Variants in EPHX4 observed in about 807,000 individuals in gnomAD.
EPHX4 encodes the protein epoxide hydrolase 4.
In EPHX4, 31 loss-of-function variants were observed where a neutral mutation model predicts 44.9. The ratio of observed to expected loss-of-function variants is 0.69; its 90% confidence interval spans 0.52 to 0.93. The LOEUF is 0.93. Among genes scored for constraint, EPHX4 ranks in the 40% least tolerant of loss-of-function variants. The pLI is 0.00. For missense variants in EPHX4, 373 were observed against 438.1 expected (o/e 0.85, Z 1.33); for synonymous variants, 151 against 159.7 (o/e 0.95, Z 0.41).
At chr1:92,046,608 C>CA (rs1688585538) in intron 4 of EPHX4, among the ~76,000 whole-genome samples, 2 of 152,084 alleles carry the variant, frequency 1.3e-5, no homozygotes, top group Non-Finnish European at 2.9e-5. Flanking sequence ...GGACTACAGA[C>CA]ACCCGCCACC....
chr1:92,044,303 T>C (rs1353105496), intron 3 of EPHX4, among the ~76,000 whole-genome samples: 7 of 152,204 alleles, frequency 4.6e-5, no homozygotes, highest in Non-Finnish European at 8.8e-5. Flanking sequence ...TGAACAATTA[T>C]ATTTCAAATT....
At chr1:92,041,328 A>T (rs921018572) in intron 2 of EPHX4, among the ~76,000 whole-genome samples, 2 of 152,228 alleles carry the variant, frequency 1.3e-5, no homozygotes, top group Non-Finnish European at 2.9e-5. Flanking sequence ...GGTTTATCTT[A>T]AATGGTTGTT....
chr1:92,034,887 G>A (rs939750796), intron 2 of EPHX4, among the ~76,000 whole-genome samples: 4 of 152,016 alleles, frequency 2.6e-5, no homozygotes, highest in African/African-American at 9.7e-5. Context: ...CAAGTGATCT[G>A]CCCCCTTCAG....
At chr1:92,052,363 T>A in intron 5 of EPHX4, 147 bp from the exon 6 acceptor site, 1 of 701,698 alleles carries the variant, frequency 1.4e-6, no homozygotes, top group Non-Finnish European at 2.4e-6. Context: ...AATATATATG[T>A]ATAAACAATG....
chr1:92,046,265 G>A (rs1688579948), intron 4 of EPHX4, among the ~76,000 whole-genome samples: 1 of 152,120 alleles, frequency 6.6e-6, no homozygotes. Context: ...TTAGTGAAAA[G>A]AGTGTCATCG....
intron 1 of EPHX4, among the ~76,000 whole-genome samples, chr1:92,031,906 G>A (rs1198462503): frequency 6.6e-6 from 1 of 152,110 alleles, no homozygotes; most frequent in Non-Finnish European, 1.5e-5. Context: ...CATGACATGA[G>A]CAGGCAGCAA....
In EPHX4 at chr1:92,063,238, C is replaced by G; in HGVS notation, c.1041C>G (p.Asn347Lys). The G allele has an allele frequency of 6.2e-7, 1 of 1,612,128 alleles. No homozygotes were observed. Among genetic ancestry groups the G allele is most frequent in the East Asian group, 2.2e-5 (1 of 44,848 alleles). Residue 347 changes from asparagine to lysine, a missense_variant, in exon 7 of 7, where the codon AAC (asparagine) becomes AAG (lysine). By Grantham distance (94) the Asn-to-Lys change is moderately conservative. Coordinates refer to ENST00000370383, the MANE Select transcript of EPHX4 (RefSeq NM_173567.5). ...WLQQDQPDIV[N>K]KLIWTFLKEE... ...AGCAAGACCAACCTGACATAGTGAA[C>G]AAATTGATATGGACATTTCTAAAAG...
At chr1:92,043,042 C>T in intron 3 of EPHX4, 62 bp downstream of exon 3, 1 of 1,320,370 alleles carries the variant, frequency 7.6e-7, no homozygotes, top group Non-Finnish European at 1.0e-6. Flanking sequence ...AATTGTGAAT[C>T]AATGACTTCT....
chr1:92,033,192 G>A (rs1215858899), intron 2 of EPHX4, among the ~76,000 whole-genome samples: 1 of 151,394 alleles, frequency 6.6e-6, no homozygotes, highest in Non-Finnish European at 1.5e-5. Context: ...TGGGATTACA[G>A]ATGTAAGCCA....
chr1:92,056,941 A>T (rs11166034), intron 6 of EPHX4, among the ~76,000 whole-genome samples: 15,093 of 152,148 alleles, frequency 0.099, 1,391 homozygotes, highest in African/African-American at 0.25. Context: ...CCTCATATAT[A>T]CAGAAATTTG....
chr1:92,062,445 C>T (rs1009118068), intron 6 of EPHX4, among the ~76,000 whole-genome samples: 7 of 151,844 alleles, frequency 4.6e-5, no homozygotes, highest in Admixed American at 1.3e-4. Context: ...ATTAGCCAGG[C>T]GCATTGGCAG....
Position 92,047,422 on chromosome 1 carries a change from T to C in EPHX4, c.604+1762T>C, listed in dbSNP as rs569217360. Among the ~76,000 whole-genome samples, 25 of 151,316 alleles carry C rather than the reference T, an allele frequency of 1.7e-4. No homozygotes were observed. The East Asian group carries it at 4.8e-3, about 29-fold the overall frequency. Reference sequence around the variant, plus strand: ...CTCAAAAAAAAAAAAAAGCAGCTAATTCAACCCATCAACTCAAAAAAATTG... The same window carrying C: ...CTCAAAAAAAAAAAAAAGCAGCTAACTCAACCCATCAACTCAAAAAAATTG... On this transcript the variant is annotated intron_variant, in intron 4 of 6. Coordinates refer to ENST00000370383, the MANE Select transcript of EPHX4 (RefSeq NM_173567.5).
intron 6 of EPHX4, among the ~76,000 whole-genome samples, chr1:92,059,896 G>A (rs1350097887): frequency 1.4e-5 from 2 of 143,550 alleles, no homozygotes; most frequent in African/African-American, 5.1e-5. Flanking sequence ...TCACTTTGTT[G>A]TTGCTCAGAC....
intron 2 of EPHX4, among the ~76,000 whole-genome samples, chr1:92,034,059 GA>G (rs1279622557): frequency 1.4e-5 from 2 of 140,318 alleles, no homozygotes; most frequent in Admixed American, 1.5e-4. Context: ...TCAGGAGGCC[GA>G]GGCGGGTGGA....
intron 2 of EPHX4, among the ~76,000 whole-genome samples, chr1:92,040,903 T>C (rs1688500035): frequency 6.6e-6 from 1 of 152,132 alleles, no homozygotes; most frequent in Non-Finnish European, 1.5e-5. Flanking sequence ...ACTCCAAAAG[T>C]ATTTTCAGAC....
intron 1 of EPHX4, among the ~76,000 whole-genome samples, chr1:92,032,067 T>C (rs1688369038): frequency 6.6e-6 from 1 of 152,228 alleles, no homozygotes; most frequent in African/African-American, 2.4e-5. Flanking sequence ...ATGGCAGAAA[T>C]ATAAATTCAG....
chr1:92,038,169 A>G (rs1463142911), intron 2 of EPHX4, among the ~76,000 whole-genome samples: 4 of 152,258 alleles, frequency 2.6e-5, no homozygotes, highest in African/African-American at 9.6e-5. Flanking sequence ...TATTTCTAAT[A>G]TGACATGGAA....
At chr1:92,035,714 T>G (rs1227501012) in intron 2 of EPHX4, among the ~76,000 whole-genome samples, 5 of 152,206 alleles carry the variant, frequency 3.3e-5, no homozygotes, top group Non-Finnish European at 7.3e-5. Context: ...CAACCCGTCA[T>G]GTAGGTATTA....
At chr1:92,058,941 T>C (rs1647432459) in intron 6 of EPHX4, among the ~76,000 whole-genome samples, 1 of 152,218 alleles carries the variant, frequency 6.6e-6, no homozygotes, top group South Asian at 2.1e-4. Flanking sequence ...TCTCCTGCTT[T>C]ATGAAACCAT....
Sources: allele counts gnomAD v4.1 joint callset (sites outside exome capture counted in the v4.1 genomes callset), GRCh38; gene constraint gnomAD v4.1.1; transcripts MANE v1.5; gene names NCBI Gene and HGNC (gene_info 2026-07-23, HGNC 2026-07-21).